SMC6: variants seen among roughly 807,000 people sequenced by gnomAD.
SMC6 encodes the protein structural maintenance of chromosomes protein 6.
A neutral mutation model predicts 142.2 loss-of-function variants in SMC6; 79 were observed. That is an observed-to-expected ratio of 0.56 (90% confidence interval 0.46 to 0.67). The LOEUF (loss-of-function observed/expected upper bound fraction) is 0.67, where lower values mean the gene tolerates loss of function less well. Ranked by LOEUF, SMC6 falls within the 30% of genes least tolerant of loss-of-function variation. The pLI is 0.00. For synonymous variants in SMC6, 411 were observed against 412.4 expected (o/e 1.00, Z 0.04); for missense variants, 1,072 against 1,284.0 (o/e 0.83, Z 2.52).
At chr2:17,709,592 T>A (rs963387683) in intron 16 of SMC6, among the ~76,000 whole-genome samples, 2 of 152,164 alleles carry the variant, frequency 1.3e-5, no homozygotes, top group South Asian at 2.1e-4. Context: ...CATCCATTAA[T>A]TCAACACATA....
intron 2 of SMC6, among the ~76,000 whole-genome samples, chr2:17,751,483 A>G (rs992799853): frequency 6.7e-6 from 1 of 150,320 alleles, no homozygotes; most frequent in African/African-American, 2.5e-5. Context: ...AAAAAAAAAA[A>G]GAGGAAAAAA....
At chr2:17,725,470 A>G in intron 8 of SMC6, 112 bp from the exon 9 acceptor site, 1 of 626,768 alleles carries the variant, frequency 1.6e-6, no homozygotes. Flanking sequence ...AATGATGTAA[A>G]AAGACATTAA....
chr2:17,672,725 C>A (rs1425693346), intron 25 of SMC6, among the ~76,000 whole-genome samples: 1 of 152,164 alleles, frequency 6.6e-6, no homozygotes, highest in Non-Finnish European at 1.5e-5. Flanking sequence ...TTGTAACTGG[C>A]TTCTCTCACT....
chr2:17,719,235 G>C (rs938969623), intron 11 of SMC6, among the ~76,000 whole-genome samples: 1 of 152,012 alleles, frequency 6.6e-6, no homozygotes, highest in East Asian at 1.9e-4. Context: ...CTGGATCCAG[G>C]TTTTATATAA....
chr2:17,705,284 AT>A (rs1335539259), intron 18 of SMC6, among the ~76,000 whole-genome samples: 2 of 151,960 alleles, frequency 1.3e-5, no homozygotes, highest in Non-Finnish European at 2.9e-5. Context: ...AATTAAAAAA[AT>A]AAATTGCCAG....
chr2:17,676,605 A>G (rs935805930), intron 25 of SMC6, among the ~76,000 whole-genome samples: 10 of 152,110 alleles, frequency 6.6e-5, no homozygotes, highest in Admixed American at 6.5e-4. Context: ...TTTAATGAAA[A>G]TTGAGTTGAG....
rs1668285856 is a variant in SMC6 at position 17,701,864 on chromosome 2, T to C, written c.2188A>G (p.Ile730Val). Reference sequence around the variant, plus strand: ...ATATCTACAGACTGGTGTTCTTCTATGTTCTCAAGTTCCCGAATTTCAGAA... The same window carrying C: ...ATATCTACAGACTGGTGTTCTTCTACGTTCTCAAGTTCCCGAATTTCAGAA... The part of the protein sequence containing the change: ...NISEIRELEN[I>V]EEHQSVDIAT... The change falls in exon 20 of 28, where the codon ATA becomes GTA. Residue 730 changes from isoleucine (I) to valine (V), a missense_variant. Transcript: ENST00000448223. 2 of 1,584,414 alleles carry C rather than the reference T, an allele frequency of 1.3e-6. No homozygotes were observed. Among genetic ancestry groups the C allele is most frequent in the Non-Finnish European group, 1.7e-6 (2 of 1,163,594 alleles).
intron 23 of SMC6, among the ~76,000 whole-genome samples, chr2:17,693,755 G>C (rs1314706326): frequency 2.6e-5 from 4 of 151,880 alleles, no homozygotes; most frequent in Non-Finnish European, 4.4e-5. Flanking sequence ...CAGCACTTTG[G>C]GAGTCAGAGG....
At chr2:17,746,225 T>G (rs146528442) in intron 2 of SMC6, 153 of 282,036 alleles carry the variant, frequency 5.4e-4, no homozygotes, top group Non-Finnish European at 3.1e-4. Flanking sequence ...GTGAGATCTG[T>G]GTTGGACTTC....
At chr2:17,729,237 T>C (rs778232814) in intron 7 of SMC6, among the ~76,000 whole-genome samples, 14 of 152,252 alleles carry the variant, frequency 9.2e-5, no homozygotes, top group Non-Finnish European at 1.9e-4. Flanking sequence ...CATTACTGCA[T>C]ATCTCAATTT....
chr2:17,664,635 C>A lies in SMC6; in HGVS notation c.*864G>T, dbSNP rs1666411422. 6.6e-6 allele frequency: 1 copy of A among 152,186 alleles called. No homozygotes were observed. The highest frequency in any genetic ancestry group is 1.5e-5 in the Non-Finnish European group (1 of 68,026). The allele number at this position is 152,186 out of a possible 1,614,324, so 9.4% of individuals were successfully genotyped here. A position where few individuals can be genotyped will look rare whatever the true frequency, so the allele number is the denominator to read the frequency against. The stretch of plus-strand genomic sequence containing the variant: ...ATATTTGGTCATTCTAAGCAGCACA[C>A]TTTTTAACACCCCTCAATTAGGATG... On this transcript the variant is annotated 3_prime_UTR_variant, in exon 28 of 28. Coordinates refer to ENST00000448223, the MANE Select transcript of SMC6 (RefSeq NM_001142286.2).
At position 17,701,920 on chromosome 2, in the gene SMC6, A is replaced by C; in HGVS notation, c.2143-11T>G. The C allele has an allele frequency of 6.9e-7, 1 of 1,445,448 alleles. No homozygotes were observed. The highest frequency in any genetic ancestry group is 9.5e-7 in the Non-Finnish European group (1 of 1,051,710). 89.5% of individuals were successfully genotyped at this position (1,445,448 alleles called of 1,614,324 possible). ...TTTTCTTATTTTCATCTAAAAGAAA[A>C]GTATTTGGATTTTAGTAACATAAAA... On this transcript the variant is annotated splice_polypyrimidine_tract_variant and intron_variant, in intron 19 of 27. Transcript: ENST00000448223.
chr2:17,750,213 T>C (rs1670955443), intron 2 of SMC6, among the ~76,000 whole-genome samples: 1 of 151,990 alleles, frequency 6.6e-6, no homozygotes, highest in Admixed American at 6.6e-5. Context: ...AAACAGAAAG[T>C]AAGAATAGTA....
At chr2:17,686,784 A>G (rs1667475762) in intron 23 of SMC6, among the ~76,000 whole-genome samples, 1 of 152,228 alleles carries the variant, frequency 6.6e-6, no homozygotes, top group Non-Finnish European at 1.5e-5. Context: ...TTGCTTATAT[A>G]AATTCAGAAT....
At chr2:17,714,081 T>G (rs1668958665) in intron 16 of SMC6, among the ~76,000 whole-genome samples, 1 of 122,960 alleles carries the variant, frequency 8.1e-6, no homozygotes, top group Non-Finnish European at 1.6e-5. Flanking sequence ...CATTCATTTT[T>G]TGTTTTTTTT....
rs376524064 is a variant in SMC6 at position 17,699,934 on chromosome 2, T to C, written c.2394+274A>G. 9.8e-4 allele frequency among the ~76,000 whole-genome samples: 149 copies of C among 152,144 alleles called. 4 individuals carry two copies. The South Asian group carries it at 0.03, about 30-fold the overall frequency. On this transcript the variant is annotated intron_variant, in intron 21 of 27. Coordinates refer to ENST00000448223, the MANE Select transcript of SMC6 (RefSeq NM_001142286.2). ...TACGAGACGTCTCTGCTCCTGGTTC[T>C]GATTTTTAAAAATCATAAAAAGGTG...
At chr2:17,746,845 C>T (rs1041688982) in intron 2 of SMC6, among the ~76,000 whole-genome samples, 1 of 152,006 alleles carries the variant, frequency 6.6e-6, no homozygotes, top group Admixed American at 6.6e-5. Flanking sequence ...TAAAAGGAGA[C>T]AAAAATCTCT....
chr2:17,679,025 C>T lies in SMC6; in HGVS notation c.2805-61G>A, dbSNP rs1667126535. 7.0e-6 allele frequency: 8 copies of T among 1,136,048 alleles called. No individual in the cohort carries two copies. The East Asian group carries it at 1.7e-4, about 24-fold the overall frequency. The allele number at this position is 1,136,048 out of a possible 1,614,324, so 70.4% of individuals were successfully genotyped here. A position where few individuals can be genotyped will look rare whatever the true frequency, so the allele number is the denominator to read the frequency against. On this transcript the variant is annotated intron_variant, in intron 24 of 27. Transcript: ENST00000448223. ...GCAAAGGTTTTTTAAAAACTATATTCAGCATGATCTAAGCATGTGAGAAAA... is the reference window on the plus strand; with the variant it reads ...GCAAAGGTTTTTTAAAAACTATATTTAGCATGATCTAAGCATGTGAGAAAA...
rs534024151 is a variant in SMC6, at chr2:17,664,463, C to T, written c.*1036G>A. On this transcript the variant is annotated 3_prime_UTR_variant, in exon 28 of 28. Transcript: ENST00000448223. ...TTCATATTTATTCTAATATTTATTGCTACTAATGTAAGGAATGCTTCTTGA... is the reference window on the plus strand; with the variant it reads ...TTCATATTTATTCTAATATTTATTGTTACTAATGTAAGGAATGCTTCTTGA... 1 of 152,176 alleles carries T rather than the reference C, an allele frequency of 6.6e-6. No homozygotes were observed. The highest frequency in any genetic ancestry group is 2.1e-4 in the South Asian group (1 of 4,816). The allele number at this position is 152,176 out of a possible 1,614,324, so 9.4% of individuals were successfully genotyped here.
Sources: allele counts gnomAD v4.1 joint callset (sites outside exome capture counted in the v4.1 genomes callset), GRCh38; gene constraint gnomAD v4.1.1; transcripts MANE v1.5; gene names NCBI Gene and HGNC (gene_info 2026-07-23, HGNC 2026-07-21).